Variants in CPNE6 observed in about 807,000 individuals in gnomAD.
CPNE6 encodes copine 6, also known as copine-6.
Under a neutral mutation model 71.5 loss-of-function variants are expected in CPNE6, and 33 were observed. The ratio of observed to expected loss-of-function variants is 0.46; its 90% confidence interval spans 0.35 to 0.62. The LOEUF is 0.62. Ranked by LOEUF, CPNE6 falls within the 20% of genes least tolerant of loss-of-function variation. CPNE6 has a pLI of 0.00. For synonymous variants in CPNE6, 296 were observed against 293.0 expected, an observed-to-expected ratio of 1.01 and a Z score of -0.10; for missense variants, 576 against 747.3, an observed-to-expected ratio of 0.77 and a Z score of 2.67.
At chr14:24,076,442 GA>G in intron 13 of CPNE6, 28 bp downstream of exon 12, 1 of 1,614,220 alleles carries the variant, frequency 6.2e-7, no homozygotes. Context: ...GAAAGAAGGA[GA>G]TGGGGGGCGT....
At chr14:24,071,501 G>GGGCGCC in intron 1 of CPNE6, 61 bp from the exon 1 acceptor site, 7 of 1,416,696 alleles carry the variant, frequency 4.9e-6, no homozygotes, top group Non-Finnish European at 6.5e-6. Context: ...CTGGTGCTGC[G>GGGCGCC]CCCCCCCCCA....
intron 1 of CPNE6, 61 bp from the exon 1 acceptor site, chr14:24,071,501 G>GGGGCGCCCCCCCCC: frequency 7.1e-7 from 1 of 1,416,704 alleles, no homozygotes; most frequent in Non-Finnish European, 9.3e-7. Context: ...CTGGTGCTGC[G>GGGGCGCCCCCCCCC]CCCCCCCCCA....
In CPNE6 at chr14:24,073,385, G is replaced by C; in HGVS notation, c.169-114G>C. 1 of 1,194,188 alleles carries C rather than the reference G, an allele frequency of 8.4e-7. No individual in the cohort carries two copies. Among genetic ancestry groups the C allele is most frequent in the Non-Finnish European group, 1.2e-6 (1 of 848,212 alleles). 74.0% of individuals were successfully genotyped at this position (1,194,188 alleles called of 1,614,324 possible). A position where few individuals can be genotyped will look rare whatever the true frequency, so the allele number is the denominator to read the frequency against. On this transcript the variant is annotated intron_variant, in intron 3 of 17. Transcript: ENST00000397016. The surrounding 1 kb of genome is among the most constrained non-coding windows in gnomAD (Gnocchi z 5.5). The stretch of plus-strand genomic sequence containing the variant: ...GATCAGCTTAGGAAGAGAAGAGCTG[G>C]TTGCTGGGGACGTGGGGGCCCAAGA...
Sources: gnomAD v4.1 joint callset for allele counts on GRCh38, gnomAD v4.1.1 for gene constraint, Gnocchi (gnomAD v3.1) non-coding constraint, MANE v1.5 for transcripts, NCBI Gene and HGNC (gene_info 2026-07-23, HGNC 2026-07-21) for gene names.